Variants in KCNH7 observed in about 807,000 individuals in gnomAD.
KCNH7 encodes the protein voltage-gated inwardly rectifying potassium channel KCNH7.
Under a neutral mutation model 120.8 loss-of-function variants are expected in KCNH7, and 49 were observed. The ratio of observed to expected loss-of-function variants is 0.41; its 90% CI spans 0.32 to 0.51. KCNH7 has a LOEUF of 0.51. KCNH7 is among the 20% of genes least tolerant of loss of function. The pLI, the probability that KCNH7 is intolerant of heterozygous loss-of-function variation, is 0.38. For synonymous variants in KCNH7, 547 were observed against 516.1 expected, an observed-to-expected ratio of 1.06 and a Z score of -0.81; for missense variants, 1,097 against 1,446.6, an observed-to-expected ratio of 0.76 and a Z score of 3.92.
At chr2:162,812,968 G>A (rs1321112416) in intron 2 of KCNH7, among the ~76,000 whole-genome samples, 3 of 152,052 alleles carry the variant, frequency 2.0e-5, no homozygotes, top group Admixed American at 6.6e-5. Flanking sequence ...GAAGAATGGT[G>A]AGCAAATGCA....
At chr2:162,562,809 G>T (rs1693120502) in intron 2 of KCNH7, among the ~76,000 whole-genome samples, 1 of 152,176 alleles carries the variant, frequency 6.6e-6, no homozygotes, top group Admixed American at 6.5e-5. Context: ...TTTTAGAAAG[G>T]TGTGGTTTAA....
intron 2 of KCNH7, among the ~76,000 whole-genome samples, chr2:162,552,759 G>A (rs1692714413): frequency 6.6e-6 from 1 of 152,208 alleles, no homozygotes; most frequent in South Asian, 2.1e-4. Flanking sequence ...GAGAAGGGAA[G>A]CCCCTGGGAG....
chr2:162,719,752 C>A (rs1016628839), intron 2 of KCNH7, among the ~76,000 whole-genome samples: 12 of 151,998 alleles, frequency 7.9e-5, no homozygotes, highest in Admixed American at 6.6e-5. Flanking sequence ...CAATCAACAT[C>A]CTCAGACTGA....
chr2:162,635,620 G>A (rs893864976), intron 2 of KCNH7, among the ~76,000 whole-genome samples: 3 of 151,974 alleles, frequency 2.0e-5, no homozygotes, highest in Non-Finnish European at 2.9e-5. Flanking sequence ...AATTCTTTTT[G>A]AATAGTAACT....
intron 10 of KCNH7, 77 bp from the exon 11 acceptor site, chr2:162,397,022 T>A (rs572036914): frequency 2.1e-6 from 2 of 947,836 alleles, no homozygotes; most frequent in East Asian, 5.2e-5. Flanking sequence ...TAGAAGGGGG[T>A]CATTAAACAA....
chr2:162,406,772 A>G lies in KCNH7; in HGVS notation c.2155-6331T>C, dbSNP rs1687238323. ...ATCTAAAAAATCTTTAGCACTTGTAAGATACTAAACCCTGCTTTTTGTTGT... is the reference window on the plus strand; with the variant it reads ...ATCTAAAAAATCTTTAGCACTTGTAGGATACTAAACCCTGCTTTTTGTTGT... On this transcript the variant is annotated intron_variant, in intron 9 of 15. Transcript: ENST00000332142. Among the ~76,000 whole-genome samples the G allele has an allele frequency of 2.0e-5, 3 of 152,112 alleles. No homozygotes were observed. In the South Asian group the frequency reaches 6.2e-4, roughly 32 times the overall value.
chr2:162,539,073 A>T (rs1051083281), intron 2 of KCNH7, among the ~76,000 whole-genome samples: 1 of 152,116 alleles, frequency 6.6e-6, no homozygotes. Flanking sequence ...TCTCCAATTC[A>T]TTTAATAAAA....
intron 2 of KCNH7, among the ~76,000 whole-genome samples, chr2:162,576,074 A>AT (rs1693660188): frequency 6.6e-6 from 1 of 152,032 alleles, no homozygotes; most frequent in East Asian, 1.9e-4. Flanking sequence ...GCAAAAGTGC[A>AT]TTTTTTTAAT....
chr2:162,783,930 C>G (rs1255320288), intron 2 of KCNH7, among the ~76,000 whole-genome samples: 1 of 152,006 alleles, frequency 6.6e-6, no homozygotes, highest in Non-Finnish European at 1.5e-5. Context: ...CAAGATTTCT[C>G]CTTTATAAAT....
intron 6 of KCNH7, among the ~76,000 whole-genome samples, chr2:162,480,913 C>A (rs1386893769): frequency 6.6e-6 from 1 of 152,130 alleles, no homozygotes; most frequent in Non-Finnish European, 1.5e-5. Flanking sequence ...CCACAGTTGC[C>A]TCTGGGACTT....
chr2:162,735,900 G>A (rs1273815258), intron 2 of KCNH7, among the ~76,000 whole-genome samples: 1 of 152,144 alleles, frequency 6.6e-6, no homozygotes, highest in Non-Finnish European at 1.5e-5. Context: ...TATGCTCCTT[G>A]AGAAGGGCTT....
intron 6 of KCNH7, among the ~76,000 whole-genome samples, chr2:162,454,636 G>A (rs1269571765): frequency 6.6e-6 from 1 of 152,044 alleles, no homozygotes; most frequent in Non-Finnish European, 1.5e-5. Flanking sequence ...CTTGAGCAGT[G>A]ATTTGTAGTT....
chr2:162,375,600 G>T (rs577197351), intron 14 of KCNH7, among the ~76,000 whole-genome samples: 1 of 152,232 alleles, frequency 6.6e-6, no homozygotes, highest in South Asian at 2.1e-4. Flanking sequence ...TTGTATTTCA[G>T]TGTTTTATGA....
At chr2:162,376,043 T>A (rs1686162446) in intron 14 of KCNH7, among the ~76,000 whole-genome samples, 1 of 152,198 alleles carries the variant, frequency 6.6e-6, no homozygotes, top group South Asian at 2.1e-4. Context: ...TTTTCTTCTG[T>A]CAGCATAATT....
In KCNH7 at chr2:162,429,383, C is replaced by CTTTTTTTTTTTTTTTTTTTTTTTTTT. The variant is rs60854157; in HGVS notation, c.1954+5814_1954+5815insAAAAAAAAAAAAAAAAAAAAAAAAAA. On this transcript the variant is annotated intron_variant, in intron 8 of 15. Coordinates refer to ENST00000332142, the MANE Select transcript of KCNH7 (RefSeq NM_033272.4). ...AGACATTTAGAAATGAGGAAAAAGT[C>CTTTTTTTTTTTTTTTTTTTTTTTTTT]TTTTTTTTTTTTTTTTTTTTTTACT... 4.8e-4 allele frequency among the ~76,000 whole-genome samples: 41 copies of CTTTTTTTTTTTTTTTTTTTTTTTTTT among 86,240 alleles called. 5 individuals are homozygous for CTTTTTTTTTTTTTTTTTTTTTTTTTT. Among genetic ancestry groups the CTTTTTTTTTTTTTTTTTTTTTTTTTT allele is most frequent in the East Asian group, 1.7e-3 (5 of 2,940 alleles). 56.6% of individuals were successfully genotyped at this position (86,240 alleles called of 152,430 possible). A position where few individuals can be genotyped will look rare whatever the true frequency, so the allele number is the denominator to read the frequency against.
chr2:162,577,855 A>G (rs1478123651), intron 2 of KCNH7, among the ~76,000 whole-genome samples: 1 of 152,054 alleles, frequency 6.6e-6, no homozygotes. Flanking sequence ...CAAGTTCCAA[A>G]TTAAATGAAT....
rs565813508 is a variant in KCNH7, at chr2:162,838,615, T to C, written c.-97A>G. 32 of 920,656 alleles carry C rather than the reference T, an allele frequency of 3.5e-5. No homozygotes were observed. In the South Asian group the frequency reaches 4.6e-4, roughly 13 times the overall value. The allele number at this position is 920,656 out of a possible 1,614,324, so 57.0% of individuals were successfully genotyped here. The stretch of plus-strand genomic sequence containing the variant: ...GCCCAGGCCAGCGCGCGAGCCGCTC[T>C]TTGTGGCAGAGCATCCTCTTTTGAA... On this transcript the variant is annotated 5_prime_UTR_variant, in exon 1 of 16. Transcript: ENST00000332142.
intron 2 of KCNH7, among the ~76,000 whole-genome samples, chr2:162,790,175 T>C (rs1019795210): frequency 3.3e-5 from 5 of 151,440 alleles, no homozygotes; most frequent in South Asian, 2.1e-4. Flanking sequence ...CACAGGAATA[T>C]AAAGAATTAC....
chr2:162,825,898 G>A (rs1210195432), intron 2 of KCNH7, among the ~76,000 whole-genome samples: 1 of 152,020 alleles, frequency 6.6e-6, no homozygotes, highest in Non-Finnish European at 1.5e-5. Flanking sequence ...AATTATAGCT[G>A]CACTACAAGC....
Sources: allele counts gnomAD v4.1 joint callset (sites outside exome capture counted in the v4.1 genomes callset), GRCh38; gene constraint gnomAD v4.1.1; transcripts MANE v1.5; gene names NCBI Gene and HGNC (gene_info 2026-07-23, HGNC 2026-07-21).